The following DNAAF19 variants were observed in gnomAD, a reference collection of about 807,000 sequenced individuals.
DNAAF19 encodes dynein axonemal assembly factor 19.
At chr17:44,902,901 T>A in the DNAAF19 span, 8 of 1,437,962 alleles carry the variant, frequency 5.6e-6, no homozygotes, top group Non-Finnish European at 7.3e-6. Flanking sequence ...AGGACCATAA[T>A]AAGAAACCCA....
chr17:44,901,551 C>T, the DNAAF19 span: 1 of 1,614,048 alleles, frequency 6.2e-7, no homozygotes, highest in Non-Finnish European at 8.5e-7. Flanking sequence ...TCTGAAGCCA[C>T]TGGAGCGGAA....
the DNAAF19 span, chr17:44,904,193 C>T: frequency 1.3e-6 from 2 of 1,550,472 alleles, no homozygotes; most frequent in Admixed American, 2.0e-5. Context: ...GGACTCAGGC[C>T]TGTACTTCTG....
chr17:44,904,265 ATGG>A, the DNAAF19 span: 6 of 1,550,258 alleles, frequency 3.9e-6, no homozygotes, highest in African/African-American at 1.4e-5. Flanking sequence ...CAGTGAGGGA[ATGG>A]TGGCCACTTT....
chr17:44,901,638 A>AGGATGT, the DNAAF19 span: 1 of 1,614,164 alleles, frequency 6.2e-7, no homozygotes, highest in Non-Finnish European at 8.5e-7. Context: ...GGATGTGGCC[A>AGGATGT]CTGAAATCTC....
the DNAAF19 span, chr17:44,903,207 C>T: frequency 1.6e-6 from 2 of 1,261,810 alleles, no homozygotes; most frequent in Non-Finnish European, 2.0e-6. Flanking sequence ...CTGATCTCCA[C>T]AGCTCTTAAC....
chr17:44,902,589 A>G, the DNAAF19 span: 42 of 1,614,008 alleles, frequency 2.6e-5, no homozygotes, highest in Middle Eastern at 1.6e-4. Context: ...TGGGGATCCT[A>G]TGCAGCCTGG....
chr17:44,902,355 TG>T, the DNAAF19 span: 3 of 1,614,132 alleles, frequency 1.9e-6, no homozygotes, highest in Non-Finnish European at 2.5e-6. Flanking sequence ...TTCCTTCCTT[TG>T]TGGTCCAGGA....
the DNAAF19 span, chr17:44,901,530 C>T: frequency 1.9e-6 from 3 of 1,614,112 alleles, no homozygotes; most frequent in Admixed American, 5.0e-5. Flanking sequence ...GGGTATTGTC[C>T]TTGCATCACA....
At chr17:44,902,645 CAGAG>C in the DNAAF19 span, 37 of 1,613,848 alleles carry the variant, frequency 2.3e-5, no homozygotes, top group African/African-American at 4.0e-5. Flanking sequence ...CTGAGCCGGG[CAGAG>C]AGAGAGAGCT....
the DNAAF19 span, chr17:44,903,964 C>T: frequency 7.7e-6 from 12 of 1,550,468 alleles, no homozygotes; most frequent in Admixed American, 3.9e-5. Flanking sequence ...CCTACCTGGC[C>T]GACATGAGCT....
At chr17:44,902,500 G>A in the DNAAF19 span, 2 of 1,614,244 alleles carry the variant, frequency 1.2e-6, no homozygotes, top group South Asian at 1.1e-5. Context: ...CTTCCAGACA[G>A]ATGTGGGATT....
chr17:44,905,280 C>A, the DNAAF19 span: 1 of 584,008 alleles, frequency 1.7e-6, no homozygotes, highest in Non-Finnish European at 3.1e-6. Flanking sequence ...GGGGACTGAG[C>A]TCAGGATGGA....
the DNAAF19 span, chr17:44,901,118 G>T: frequency 6.2e-7 from 1 of 1,608,278 alleles, no homozygotes; most frequent in African/African-American, 1.3e-5. Flanking sequence ...TGGAACAGAG[G>T]GTGGCTTCCT....
At chr17:44,901,785 C>A in the DNAAF19 span, 1 of 1,081,856 alleles carries the variant, frequency 9.2e-7, no homozygotes, top group Non-Finnish European at 1.3e-6. Flanking sequence ...CATGTTAAAC[C>A]AACAGAGATA....
the DNAAF19 span, among the ~76,000 whole-genome samples, chr17:44,900,387 G>A: frequency 6.6e-6 from 1 of 152,100 alleles, no homozygotes; most frequent in African/African-American, 2.4e-5. Flanking sequence ...GCATTGCCCA[G>A]GTACCTAGGG....
At chr17:44,902,970 C>T in the DNAAF19 span, 2 of 1,432,050 alleles carry the variant, frequency 1.4e-6, no homozygotes, top group South Asian at 1.5e-5. Context: ...CAAGTCTTCC[C>T]CACTTCTCCA....
chr17:44,902,286 G>C, the DNAAF19 span: 15 of 1,563,862 alleles, frequency 9.6e-6, no homozygotes, highest in Non-Finnish European at 1.1e-5. Context: ...AAGATGAAGA[G>C]CTACAGGCTC....
the DNAAF19 span, chr17:44,904,285 C>T: frequency 6.5e-6 from 10 of 1,549,504 alleles, no homozygotes; most frequent in South Asian, 2.4e-5. Flanking sequence ...CTTTCCAGGA[C>T]AAGGGCCAGG....
the DNAAF19 span, chr17:44,903,727 T>A: frequency 6.9e-7 from 1 of 1,448,032 alleles, no homozygotes. Flanking sequence ...GCATAATCCT[T>A]TCCTCATCTA....
Sources: allele counts gnomAD v4.1 joint callset (sites outside exome capture counted in the v4.1 genomes callset), GRCh38; gene constraint gnomAD v4.1.1; transcripts MANE v1.5; gene names NCBI Gene and HGNC (gene_info 2026-07-23, HGNC 2026-07-21).